The following MGAT5 variants were observed in gnomAD, a reference collection of about 807,000 sequenced individuals.
The protein encoded by MGAT5 is alpha-1,6-mannosylglycoprotein 6-beta-N-acetylglucosaminyltransferase, also known as alpha-1,6-mannosylglycoprotein 6-beta-N-acetylglucosaminyltransferase A.
Under a neutral mutation model 94.3 loss-of-function variants are expected in MGAT5, and 30 were observed. The observed-to-expected ratio is 0.32, with a 90% CI of 0.24 to 0.43. MGAT5 has a LOEUF of 0.43. Among genes scored for constraint, MGAT5 ranks in the 20% least tolerant of loss-of-function variants. The pLI is 1.00. For synonymous variants in MGAT5, 310 were observed against 322.9 expected (o/e 0.96, Z 0.43); for missense variants, 691 against 905.5 (o/e 0.76, Z 3.04).
intron 11 of MGAT5, 33 bp downstream of exon 11, chr2:134,403,170 T>TC: frequency 6.4e-7 from 1 of 1,572,784 alleles, no homozygotes; most frequent in Non-Finnish European, 8.6e-7. Flanking sequence ...GTGTTCAGGT[T>TC]ATTGCCATTG....
intron 10 of MGAT5, among the ~76,000 whole-genome samples, chr2:134,387,353 T>TTTTTTTTTTTTTA (rs397985933): frequency 7.5e-6 from 1 of 133,588 alleles, no homozygotes; most frequent in African/African-American, 2.9e-5. Context: ...TTTTTTTTTT[T>TTTTTTTTTTTTTA]ACCAAACCAG....
intron 10 of MGAT5, among the ~76,000 whole-genome samples, chr2:134,387,153 C>T (rs532959147): frequency 1.3e-3 from 193 of 151,110 alleles, no homozygotes; most frequent in African/African-American, 4.5e-3. Context: ...CCCAGCTACT[C>T]GGGAGGCTGA....
chr2:134,252,766 C>T (rs1397838718), upstream of MGAT5, among the ~76,000 whole-genome samples: 5 of 152,066 alleles, frequency 3.3e-5, no homozygotes, highest in African/African-American at 9.7e-5. Context: ...CTTTTCATGA[C>T]CCATTAAGCA....
intron 1 of MGAT5, among the ~76,000 whole-genome samples, chr2:134,160,463 G>A (rs1309310367): frequency 6.6e-6 from 1 of 152,174 alleles, no homozygotes; most frequent in African/African-American, 2.4e-5. Flanking sequence ...ACTGCGCCTG[G>A]CCTGGTTTCC....
At chr2:134,308,846 G>A (rs564618799) in intron 2 of MGAT5, among the ~76,000 whole-genome samples, 140 of 152,270 alleles carry the variant, frequency 9.2e-4, no homozygotes, top group African/African-American at 3.2e-3. Flanking sequence ...ACCAGCCTGG[G>A]CAACATAGCA....
intron 10 of MGAT5, among the ~76,000 whole-genome samples, chr2:134,392,645 C>T (rs1682480552): frequency 6.6e-6 from 1 of 152,292 alleles, no homozygotes; most frequent in South Asian, 2.1e-4. Context: ...TGTTGACACT[C>T]GGTATTCTGA....
chr2:134,418,238 C>G (rs541709845), intron 12 of MGAT5, among the ~76,000 whole-genome samples: 1 of 152,278 alleles, frequency 6.6e-6, no homozygotes, highest in Admixed American at 6.5e-5. Context: ...TTGTAATTTA[C>G]TTTTTGCTGA....
intron 10 of MGAT5, among the ~76,000 whole-genome samples, chr2:134,363,490 C>T (rs961011483): frequency 1.3e-5 from 2 of 152,186 alleles, no homozygotes; most frequent in African/African-American, 4.8e-5. Flanking sequence ...TTGTTTAGTA[C>T]AGTAGTTCTC....
At chr2:134,326,508 C>T (rs1478221586) in intron 4 of MGAT5, among the ~76,000 whole-genome samples, 2 of 152,028 alleles carry the variant, frequency 1.3e-5, no homozygotes, top group African/African-American at 2.4e-5. Flanking sequence ...GAACCAGCAT[C>T]TCTAAGAACC....
In MGAT5 at chr2:134,403,028, A is replaced by G; in HGVS notation, c.1421A>G (p.Glu474Gly). The change falls in exon 11 of 16, where the codon GAA becomes GGA. Residue 474 changes from glutamate (E) to glycine (G), a missense_variant. Glu to Gly is a moderately conservative substitution (Grantham distance 98). Coordinates refer to ENST00000281923, the MANE Select transcript of MGAT5 (RefSeq NM_002410.5). ...TTGGACATTATTCACACATACATGG[A>G]AGTGCATGCAACTGTTTATGGCTCC... ...IYLDIIHTYM[E>G]VHATVYGSST... The G allele has an allele frequency of 6.2e-7, 1 of 1,610,952 alleles. No individual in the cohort carries two copies. The highest frequency in any genetic ancestry group is 1.1e-5 in the South Asian group (1 of 90,084).
At chr2:134,221,012 G>A (rs187067214) in intron 1 of MGAT5, among the ~76,000 whole-genome samples, 2 of 152,236 alleles carry the variant, frequency 1.3e-5, no homozygotes, top group Admixed American at 6.5e-5. Context: ...TTGTCCTGCA[G>A]TTTTTTGTGG....
At position 134,452,083 on chromosome 2, in the gene MGAT5, T is replaced by TAA. The variant is rs1686137221; in HGVS notation, c.*3237_*3238dup. 1 of 152,218 alleles carries TAA rather than the reference T, an allele frequency of 6.6e-6. No homozygotes were observed. The highest frequency in any genetic ancestry group is 2.1e-4 in the South Asian group (1 of 4,830). 9.4% of individuals were successfully genotyped at this position (152,218 alleles called of 1,614,324 possible). On this transcript the variant is annotated 3_prime_UTR_variant, in exon 16 of 16. Transcript: ENST00000281923. ...AAGGGCAATAGCAGACTCCTCCAGC[T>TAA]AAGAGACAGGACATGTTCTTGAGCC...
chr2:134,449,914 CTT>C lies in MGAT5; in HGVS notation c.*1068_*1069del, dbSNP rs1424806555. ...GCACCAAAGTCCAGGGAAGGGGGCT[CTT>C]GATGTCTGCTGGGGGAGTGGGGGCA... On this transcript the variant is annotated 3_prime_UTR_variant, in exon 16 of 16. Coordinates refer to ENST00000281923, the MANE Select transcript of MGAT5 (RefSeq NM_002410.5). 1 of 152,292 alleles carries C rather than the reference CTT, an allele frequency of 6.6e-6. No homozygotes were observed. Among genetic ancestry groups the C allele is most frequent in the Non-Finnish European group, 1.5e-5 (1 of 68,200 alleles). The allele number at this position is 152,292 out of a possible 1,614,324, so 9.4% of individuals were successfully genotyped here. A position where few individuals can be genotyped will look rare whatever the true frequency, so the allele number is the denominator to read the frequency against.
intron 1 of MGAT5, among the ~76,000 whole-genome samples, chr2:134,199,303 G>A (rs1679653958): frequency 6.6e-6 from 1 of 151,992 alleles, no homozygotes; most frequent in African/African-American, 2.4e-5. Flanking sequence ...TCAGAAGCAT[G>A]TACATATATC....
chr2:134,362,485 T>G (rs1416913159), intron 10 of MGAT5, 77 bp downstream of exon 10: 29 of 1,549,798 alleles, frequency 1.9e-5, no homozygotes, highest in Non-Finnish European at 2.5e-5. Context: ...ATCCAGGGAA[T>G]AATCAAGCCA....
At chr2:134,135,690 C>CAAAAAA (rs59026836) in intron 1 of MGAT5, among the ~76,000 whole-genome samples, 20 of 41,640 alleles carry the variant, frequency 4.8e-4, no homozygotes, top group South Asian at 8.3e-4. Context: ...GACTCCATCT[C>CAAAAAA]AAAAAAAAAA....
intron 2 of MGAT5, among the ~76,000 whole-genome samples, chr2:134,292,612 G>T (rs573102121): frequency 1.1e-4 from 16 of 152,238 alleles, no homozygotes; most frequent in African/African-American, 2.9e-4. Context: ...TACAATTCAG[G>T]TTTATTTTCT....
intron 2 of MGAT5, among the ~76,000 whole-genome samples, chr2:134,303,007 A>T (rs1348933764): frequency 2.0e-5 from 3 of 151,986 alleles, no homozygotes; most frequent in African/African-American, 7.3e-5. Context: ...ATTTCTTCGA[A>T]TATTTTTTGT....
Position 134,317,690 on chromosome 2 carries a change from A to C in MGAT5, c.483+85A>C, listed in dbSNP as rs1687078134. On this transcript the variant is annotated intron_variant, in intron 3 of 15. Coordinates refer to ENST00000281923, the MANE Select transcript of MGAT5 (RefSeq NM_002410.5). Reference sequence around the variant, plus strand: ...CTTCCTTTTCCTCCTCAGTGACACAAATGGGTGAGTGAGCCCTTGACATGG... The same window carrying C: ...CTTCCTTTTCCTCCTCAGTGACACACATGGGTGAGTGAGCCCTTGACATGG... 7 of 876,912 alleles carry C rather than the reference A, an allele frequency of 8.0e-6. No individual in the cohort carries two copies. The South Asian group carries it at 1.5e-4, about 18-fold the overall frequency. The allele number at this position is 876,912 out of a possible 1,614,324, so 54.3% of individuals were successfully genotyped here.
Sources: gnomAD v4.1 joint callset for allele counts (sites outside exome capture counted in the v4.1 genomes callset) on GRCh38, gnomAD v4.1.1 for gene constraint, MANE v1.5 for transcripts, NCBI Gene and HGNC (gene_info 2026-07-23, HGNC 2026-07-21) for gene names.